Variants in AP3B1 observed in about 807,000 individuals in gnomAD.
AP3B1 encodes adaptor related protein complex 3 subunit beta 1.
AP3B1 carries 61 observed loss-of-function variants against 132.5 expected under a neutral mutation model. That is an observed-to-expected ratio of 0.46 (90% CI 0.37 to 0.57). AP3B1 has a LOEUF of 0.57. Among genes scored for constraint, AP3B1 ranks in the 20% least tolerant of loss-of-function variants. The pLI is 0.00. For missense variants in AP3B1, 1,120 were observed against 1,289.4 expected, an observed-to-expected ratio of 0.87 and a Z score of 2.01; for synonymous variants, 388 against 438.3, an observed-to-expected ratio of 0.89 and a Z score of 1.43.
intron 6 of AP3B1, 122 bp from the exon 7 acceptor site, chr5:78,216,359 T>G: frequency 3.3e-6 from 3 of 920,708 alleles, no homozygotes; most frequent in Non-Finnish European, 5.1e-6. Context: ...GTCATTCAAT[T>G]AAAATGAATG....
At position 78,260,642 on chromosome 5, in the gene AP3B1, T is replaced by TA. The variant is rs564084546; in HGVS notation, c.204+6877dup. 4.8e-4 allele frequency among the ~76,000 whole-genome samples: 71 copies of TA among 148,814 alleles called. No individual in the cohort carries two copies. The South Asian group carries it at 6.6e-3, about 14-fold the overall frequency. Reference sequence around the variant, plus strand: ...AAAAGAATGAGGAGGAATGTAAGTTTAAAAAAAAAAGTGAAAGCATAATGA... The same window carrying TA: ...AAAAGAATGAGGAGGAATGTAAGTTTAAAAAAAAAAAGTGAAAGCATAATGA... On this transcript the variant is annotated intron_variant, in intron 2 of 26. Transcript: ENST00000255194.
At chr5:78,169,733 G>GTTATTTATTTA (rs138208601) in intron 11 of AP3B1, among the ~76,000 whole-genome samples, 1,807 of 151,256 alleles carry the variant, frequency 0.012, 41 homozygotes, top group African/African-American at 0.041. Flanking sequence ...AAGCCCTGAA[G>GTTATTTATTTA]TTTATTTATT....
intron 12 of AP3B1, among the ~76,000 whole-genome samples, chr5:78,164,855 T>C (rs1467697664): frequency 6.6e-6 from 1 of 152,086 alleles, no homozygotes; most frequent in Non-Finnish European, 1.5e-5. Flanking sequence ...AGGAGAACTA[T>C]GGCAAAAAAT....
At chr5:78,055,258 C>T (rs946498278) in intron 22 of AP3B1, among the ~76,000 whole-genome samples, 4 of 152,192 alleles carry the variant, frequency 2.6e-5, no homozygotes, top group Non-Finnish European at 4.4e-5. Flanking sequence ...GCCAGGTCTT[C>T]TCAGGCTATA....
intron 22 of AP3B1, among the ~76,000 whole-genome samples, chr5:78,081,760 T>G (rs1003900840): frequency 4.6e-5 from 7 of 152,218 alleles, no homozygotes; most frequent in Non-Finnish European, 1.0e-4. Flanking sequence ...AGTTTTTTCC[T>G]TAACTCGGTA....
At chr5:78,119,163 G>T (rs1752023689) in intron 17 of AP3B1, among the ~76,000 whole-genome samples, 1 of 152,074 alleles carries the variant, frequency 6.6e-6, no homozygotes, top group African/African-American at 2.4e-5. Flanking sequence ...CAAACAGAAA[G>T]GACATCCACA....
intron 22 of AP3B1, among the ~76,000 whole-genome samples, chr5:78,065,957 GA>G (rs368327634): frequency 2.5e-3 from 382 of 152,298 alleles, no homozygotes; most frequent in African/African-American, 8.9e-3. Flanking sequence ...GCTCCCAGAG[GA>G]AAGAGAAGGC....
At chr5:78,099,623 G>A (rs780547353) in intron 21 of AP3B1, among the ~76,000 whole-genome samples, 7 of 152,108 alleles carry the variant, frequency 4.6e-5, no homozygotes, top group East Asian at 1.9e-4. Flanking sequence ...TCAGTGGGGC[G>A]TGGTGGCTCA....
chr5:78,026,282 A>G (rs552822002), intron 24 of AP3B1, among the ~76,000 whole-genome samples: 1 of 152,352 alleles, frequency 6.6e-6, no homozygotes, highest in East Asian at 1.9e-4. Flanking sequence ...AGATGGCATA[A>G]AAGTTTAATG....
intron 2 of AP3B1, among the ~76,000 whole-genome samples, chr5:78,259,053 C>T (rs759550070): frequency 5.3e-5 from 8 of 151,868 alleles, no homozygotes; most frequent in South Asian, 2.1e-4. Flanking sequence ...CTGGCTAACA[C>T]GGTGAAACCC....
chr5:78,177,160 T>G (rs1016539941), intron 9 of AP3B1, among the ~76,000 whole-genome samples, 179 bp downstream of exon 9: 2 of 152,202 alleles, frequency 1.3e-5, no homozygotes, highest in Non-Finnish European at 2.9e-5. Context: ...TATTTATCAT[T>G]AAGTTTGAGA....
At chr5:78,260,264 C>T (rs1389246763) in intron 2 of AP3B1, among the ~76,000 whole-genome samples, 2 of 152,108 alleles carry the variant, frequency 1.3e-5, no homozygotes, top group Non-Finnish European at 2.9e-5. Flanking sequence ...GAAATGCCCC[C>T]ATCACCTGAA....
chr5:78,275,988 A>C (rs1441913162), intron 1 of AP3B1, among the ~76,000 whole-genome samples: 1 of 152,228 alleles, frequency 6.6e-6, no homozygotes, highest in Non-Finnish European at 1.5e-5. Flanking sequence ...TTTGAAAGGT[A>C]TAAGAATCAG....
chr5:78,065,506 C>T (rs960758609), intron 22 of AP3B1, among the ~76,000 whole-genome samples: 1 of 152,140 alleles, frequency 6.6e-6, no homozygotes, highest in Non-Finnish European at 1.5e-5. Context: ...GTTTGGACCC[C>T]GGAGGAATTT....
intron 1 of AP3B1, among the ~76,000 whole-genome samples, chr5:78,284,225 T>C (rs1196855621): frequency 6.6e-6 from 1 of 152,244 alleles, no homozygotes; most frequent in African/African-American, 2.4e-5. Flanking sequence ...TTTGGCTAGT[T>C]GCTACTATAT....
intron 18 of AP3B1, 55 bp downstream of exon 18, chr5:78,116,071 T>C (rs1451743621): frequency 1.5e-6 from 2 of 1,291,986 alleles, no homozygotes; most frequent in African/African-American, 1.5e-5. Context: ...GTTTCTGAGA[T>C]ATAGAATGTA....
chr5:78,142,864 T>C (rs1401289800), intron 14 of AP3B1, among the ~76,000 whole-genome samples: 1 of 152,146 alleles, frequency 6.6e-6, no homozygotes, highest in African/African-American at 2.4e-5. Flanking sequence ...CCTTACTGCA[T>C]ACTGATTTCT....
intron 1 of AP3B1, among the ~76,000 whole-genome samples, chr5:78,289,120 C>T (rs1749403341): frequency 6.6e-6 from 1 of 152,096 alleles, no homozygotes; most frequent in South Asian, 2.1e-4. Context: ...AAAGTATATT[C>T]AATAACATCC....
chr5:78,121,098 G>A (rs1752169037), intron 17 of AP3B1, among the ~76,000 whole-genome samples: 2 of 152,186 alleles, frequency 1.3e-5, no homozygotes, highest in South Asian at 4.1e-4. Context: ...TGACTACTGG[G>A]TACATAACAA....
Sources: allele counts gnomAD v4.1 joint callset (sites outside exome capture counted in the v4.1 genomes callset), GRCh38; gene constraint gnomAD v4.1.1; transcripts MANE v1.5; gene names NCBI Gene and HGNC (gene_info 2026-07-23, HGNC 2026-07-21).